The following FOXO3 variants were observed in gnomAD, a reference collection of about 807,000 sequenced individuals.
FOXO3 encodes forkhead box protein O3.
Under a neutral mutation model 41.9 loss-of-function variants are expected in FOXO3, and 4 were observed. The ratio of observed to expected loss-of-function variants is 0.10; its 90% CI spans 0.05 to 0.22. The LOEUF (loss-of-function observed/expected upper bound fraction) is 0.22, where lower values mean the gene tolerates loss of function less well. Ranked by LOEUF, FOXO3 falls within the 10% of genes least tolerant of loss-of-function variation. The pLI, the probability that FOXO3 is intolerant of heterozygous loss-of-function variation, is 1.00. For synonymous variants in FOXO3, 318 were observed against 389.3 expected (o/e 0.82, Z 2.16); for missense variants, 534 against 906.8 (o/e 0.59, Z 5.28).
intron 2 of FOXO3, among the ~76,000 whole-genome samples, chr6:108,676,109 C>T (rs1179357883): frequency 6.6e-6 from 1 of 152,174 alleles, no homozygotes; most frequent in Non-Finnish European, 1.5e-5. Context: ...GAATGGACCT[C>T]ATCATTTATT....
chr6:108,567,138 CT>C (rs918657772), intron 1 of FOXO3, among the ~76,000 whole-genome samples: 3 of 152,050 alleles, frequency 2.0e-5, no homozygotes, highest in Admixed American at 6.5e-5. Flanking sequence ...TTCCCGTTGC[CT>C]TTTTTTTACA....
intron 1 of FOXO3, among the ~76,000 whole-genome samples, chr6:108,600,456 A>G (rs946115989): frequency 6.9e-6 from 1 of 144,314 alleles, no homozygotes; most frequent in Non-Finnish European, 1.5e-5. Context: ...CTGAGGCAGG[A>G]GAGTCGCTTG....
At chr6:108,579,482 A>G (rs1001566401) in intron 1 of FOXO3, among the ~76,000 whole-genome samples, 1 of 152,206 alleles carries the variant, frequency 6.6e-6, no homozygotes, top group Non-Finnish European at 1.5e-5. Context: ...CAGCATTCCA[A>G]ATTGAACTCC....
At chr6:108,605,407 GC>G (rs5878984) in intron 1 of FOXO3, among the ~76,000 whole-genome samples, 4,611 of 152,200 alleles carry the variant, frequency 0.03, 104 homozygotes, top group Non-Finnish European at 0.046. Flanking sequence ...GTGAGCCACC[GC>G]GCCCAGTCCT....
chr6:108,599,032 A>C (rs926529291), intron 1 of FOXO3, among the ~76,000 whole-genome samples: 2 of 152,172 alleles, frequency 1.3e-5, no homozygotes, highest in African/African-American at 4.8e-5. Flanking sequence ...AGGAAACTTG[A>C]GATGTATACA....
At chr6:108,595,585 T>A (rs947306705) in intron 1 of FOXO3, among the ~76,000 whole-genome samples, 16 of 152,324 alleles carry the variant, frequency 1.1e-4, no homozygotes, top group African/African-American at 3.6e-4. Context: ...GAAGTGTATG[T>A]TTCTGGAAGG....
At chr6:108,626,325 C>T (rs962370928) in intron 1 of FOXO3, among the ~76,000 whole-genome samples, 1 of 152,160 alleles carries the variant, frequency 6.6e-6, no homozygotes, top group Non-Finnish European at 1.5e-5. Context: ...TCTCAGAGGA[C>T]GCAGGTTGTG....
At chr6:108,565,672 C>G (rs975055770) in intron 1 of FOXO3, among the ~76,000 whole-genome samples, 5 of 152,206 alleles carry the variant, frequency 3.3e-5, no homozygotes, top group Non-Finnish European at 7.3e-5. Context: ...GATAATTCTT[C>G]AAGAGTCCGA....
Position 108,665,433 on chromosome 6 carries a change from A to G in FOXO3, c.*34+544A>G, listed in dbSNP as rs996868960. 5.9e-5 allele frequency among the ~76,000 whole-genome samples: 9 copies of G among 152,202 alleles called. 1 individual carries two copies. The highest frequency in any genetic ancestry group is 8.8e-5 in the Non-Finnish European group (6 of 68,038). On this transcript the variant is annotated intron_variant, in intron 2 of 2. Coordinates refer to ENST00000406360, the MANE Select transcript of FOXO3 (RefSeq NM_001455.4). ...CAGAATATGTATTCTAGACTCTTTC[A>G]TATATGAATATTTCTAACAGAAGCA...
intron 1 of FOXO3, among the ~76,000 whole-genome samples, chr6:108,585,670 G>A (rs2128361369): frequency 6.6e-6 from 1 of 152,326 alleles, no homozygotes; most frequent in East Asian, 1.9e-4. Context: ...TTCCTTCAAT[G>A]TAGAGATGCC....
At chr6:108,655,726 A>G (rs777439231) in intron 1 of FOXO3, among the ~76,000 whole-genome samples, 5 of 152,084 alleles carry the variant, frequency 3.3e-5, no homozygotes, top group African/African-American at 4.8e-5. Context: ...GAAGGCGCCC[A>G]CCCGGGCCTG....
chr6:108,585,430 A>C (rs150445766), intron 1 of FOXO3, among the ~76,000 whole-genome samples: 9 of 152,248 alleles, frequency 5.9e-5, no homozygotes, highest in Non-Finnish European at 1.2e-4. Flanking sequence ...TCCCACTTGG[A>C]GTTTAGATTT....
rs569738737 is a variant in FOXO3 at position 108,649,175 on chromosome 6, C to T, written c.622-14280C>T. On this transcript the variant is annotated intron_variant, in intron 1 of 2. Coordinates refer to ENST00000406360, the MANE Select transcript of FOXO3 (RefSeq NM_001455.4). The stretch of plus-strand genomic sequence containing the variant: ...ATTGGTTCTTCCTTGCCCCCGAATC[C>T]CACAGGGGTGACATAGATAGGCCCA... Among the ~76,000 whole-genome samples the T allele has an allele frequency of 8.5e-5, 13 of 152,188 alleles. No individual in the cohort carries two copies. The South Asian group carries it at 1.4e-3, about 17-fold the overall frequency.
intron 1 of FOXO3, among the ~76,000 whole-genome samples, chr6:108,571,908 G>A (rs1305774273): frequency 6.6e-6 from 1 of 152,216 alleles, no homozygotes; most frequent in African/African-American, 2.4e-5. Context: ...TCAAATCAAA[G>A]TGTTAATAAT....
intron 1 of FOXO3, among the ~76,000 whole-genome samples, chr6:108,631,503 G>A (rs1488035930): frequency 2.0e-5 from 3 of 152,154 alleles, no homozygotes; most frequent in Non-Finnish European, 4.4e-5. Flanking sequence ...GAAAAGAGGT[G>A]AGGATTTGCG....
At chr6:108,623,037 T>A (rs1582789473) in intron 1 of FOXO3, among the ~76,000 whole-genome samples, 1 of 151,548 alleles carries the variant, frequency 6.6e-6, no homozygotes, top group East Asian at 2.0e-4. Context: ...GGATGGACCC[T>A]CTGTGTCCAC....
chr6:108,586,299 TA>T (rs1343180858), intron 1 of FOXO3, among the ~76,000 whole-genome samples: 1 of 152,192 alleles, frequency 6.6e-6, no homozygotes, highest in Non-Finnish European at 1.5e-5. Flanking sequence ...GTTATGCCTT[TA>T]AATGAAAACA....
chr6:108,592,547 G>A (rs1262119415), intron 1 of FOXO3, among the ~76,000 whole-genome samples: 1 of 152,140 alleles, frequency 6.6e-6, no homozygotes, highest in Non-Finnish European at 1.5e-5. Flanking sequence ...GTTCTTGTTA[G>A]TCATAAGCAA....
chr6:108,560,911 G>A (rs988204954), upstream of FOXO3: 1 of 1,212,198 alleles, frequency 8.2e-7, no homozygotes, highest in Non-Finnish European at 1.1e-6. Flanking sequence ...GGCCTGGCCG[G>A]GGGGCGGTGT....
Sources: gnomAD v4.1 joint callset for allele counts (sites outside exome capture counted in the v4.1 genomes callset) on GRCh38, gnomAD v4.1.1 for gene constraint, MANE v1.5 for transcripts, NCBI Gene and HGNC (gene_info 2026-07-23, HGNC 2026-07-21) for gene names.